KIF15: variants seen among roughly 807,000 people sequenced by gnomAD.
KIF15 encodes kinesin family member 15, also known as kinesin-like protein KIF15.
In KIF15, 140 loss-of-function variants were observed where a neutral mutation model predicts 190.6. The observed-to-expected ratio is 0.73, with a 90% CI of 0.64 to 0.84. The LOEUF (loss-of-function observed/expected upper bound fraction) is 0.84. KIF15 is among the 40% of genes least tolerant of loss of function. The pLI, the probability that KIF15 is intolerant of heterozygous loss-of-function variation, is 0.00. For synonymous variants in KIF15, 528 were observed against 551.3 expected (o/e 0.96, Z 0.59); for missense variants, 1,372 against 1,584.4 (o/e 0.87, Z 2.28).
At position 44,821,479 on chromosome 3, in the gene KIF15, C is replaced by G. The variant is rs76489727; in HGVS notation, c.2550-4560C>G. On this transcript the variant is annotated intron_variant, in intron 20 of 34. Coordinates refer to ENST00000326047, the MANE Select transcript of KIF15 (RefSeq NM_020242.3). ...GCCGGGTAGAGGCACTCCTCACATC[C>G]CAGACGGGGCGGCGGGGCAGAGGCG... 5.3e-5 allele frequency among the ~76,000 whole-genome samples: 8 copies of G among 151,440 alleles called. No individual in the cohort carries two copies. In the East Asian group the frequency reaches 1.2e-3, roughly 22 times the overall value.
Position 44,805,856 on chromosome 3 carries a change from T to C in KIF15, c.1841T>C (p.Leu614Pro). 6.2e-7 allele frequency: 1 copy of C among 1,613,184 alleles called. No individual in the cohort carries two copies. The highest frequency in any genetic ancestry group is 8.5e-7 in the Non-Finnish European group (1 of 1,179,750). The change falls in exon 16 of 35, where the codon CTA becomes CCA. Residue 614 changes from leucine (L) to proline (P), a missense_variant. Leu to Pro is a moderately conservative substitution (Grantham distance 98). Coordinates refer to ENST00000326047, the MANE Select transcript of KIF15 (RefSeq NM_020242.3). ...EFKELTRKRQ[L>P]ELESELQSLQ... ...ACAATATCTATTAGGAAAAGGCAGC[T>C]AGAATTGGAATCAGAGCTTCAGTCT...
intron 20 of KIF15, among the ~76,000 whole-genome samples, chr3:44,823,985 C>T (rs531845400): frequency 9.8e-5 from 15 of 152,318 alleles, no homozygotes; most frequent in African/African-American, 3.6e-4. Context: ...AGGCGACGCC[C>T]ACCCTGCTTC....
At chr3:44,786,191 G>A (rs1413951979) in intron 6 of KIF15, among the ~76,000 whole-genome samples, 1 of 152,108 alleles carries the variant, frequency 6.6e-6, no homozygotes, top group Non-Finnish European at 1.5e-5. Flanking sequence ...ACTGCAGCCT[G>A]GACAACAGAG....
intron 30 of KIF15, among the ~76,000 whole-genome samples, chr3:44,845,338 G>A (rs1218491945): frequency 3.3e-5 from 5 of 152,150 alleles, no homozygotes; most frequent in Admixed American, 6.5e-5. Context: ...TTTGGAGGCA[G>A]CTGTATTGGT....
At chr3:44,814,136 T>G (rs1054185506) in intron 19 of KIF15, among the ~76,000 whole-genome samples, 2 of 152,244 alleles carry the variant, frequency 1.3e-5, no homozygotes, top group African/African-American at 4.8e-5. Context: ...CTATTTTCTT[T>G]GAACTAAAAA....
intron 1 of KIF15, among the ~76,000 whole-genome samples, chr3:44,765,815 C>G (rs1388557362): frequency 6.6e-6 from 1 of 152,072 alleles, no homozygotes; most frequent in Non-Finnish European, 1.5e-5. Context: ...CCTGAGAGTG[C>G]CCTTAGGTTT....
At chr3:44,787,176 A>T (rs1254585586) in intron 7 of KIF15, among the ~76,000 whole-genome samples, 1 of 152,210 alleles carries the variant, frequency 6.6e-6, no homozygotes, top group Admixed American at 6.5e-5. Context: ...TATCACCAGT[A>T]CTATCCGATT....
intron 1 of KIF15, among the ~76,000 whole-genome samples, chr3:44,770,194 G>A (rs1705582181): frequency 6.6e-6 from 1 of 152,182 alleles, no homozygotes; most frequent in African/African-American, 2.4e-5. Context: ...TCTCTCTCCA[G>A]TCCTCAGTTT....
chr3:44,803,162 T>C (rs934178223), intron 14 of KIF15, among the ~76,000 whole-genome samples, 171 bp downstream of exon 14: 2 of 152,224 alleles, frequency 1.3e-5, no homozygotes, highest in Non-Finnish European at 2.9e-5. Context: ...CTTTTCTTTT[T>C]CTCAAAAATC....
chr3:44,785,646 A>G (rs566522682), intron 6 of KIF15, among the ~76,000 whole-genome samples: 1 of 152,358 alleles, frequency 6.6e-6, no homozygotes, highest in Non-Finnish European at 1.5e-5. Context: ...TTAGACACAC[A>G]AATTGTATGG....
At chr3:44,828,917 A>G (rs1033885874) in intron 24 of KIF15, among the ~76,000 whole-genome samples, 4 of 151,934 alleles carry the variant, frequency 2.6e-5, no homozygotes, top group Non-Finnish European at 5.9e-5. Context: ...CATGCCTGTA[A>G]TCCTAGCTAC....
chr3:44,829,457 A>G (rs948192901), intron 24 of KIF15, among the ~76,000 whole-genome samples: 127 of 136,806 alleles, frequency 9.3e-4, no homozygotes, highest in African/African-American at 2.8e-3. Context: ...ATACGCATAT[A>G]TAATATATAT....
At chr3:44,772,568 T>C (rs906913729) in intron 1 of KIF15, among the ~76,000 whole-genome samples, 1 of 152,242 alleles carries the variant, frequency 6.6e-6, no homozygotes, top group Non-Finnish European at 1.5e-5. Flanking sequence ...ATATCCACTT[T>C]CAATTAAGCT....
rs1707208957 is a variant in KIF15, at chr3:44,800,360, C to G, written c.1145C>G (p.Ala382Gly). 6.2e-7 allele frequency: 1 copy of G among 1,614,142 alleles called. No individual in the cohort carries two copies. The highest frequency in any genetic ancestry group is 8.5e-7 in the Non-Finnish European group (1 of 1,180,006). ...DTQGNVSQLQAEVKRLKEQLA... is the reference protein window; with the variant it reads ...DTQGNVSQLQGEVKRLKEQLA... ...CAAGGAAATGTGAGCCAGCTCCAAG[C>G]TGAAGTGAAGAGGCTCAAAGAACAA... Residue 382 changes from alanine to glycine, a missense_variant, in exon 11 of 35, where the codon GCT (alanine) becomes GGT (glycine). Physicochemically the swap from Ala to Gly is moderately conservative, Grantham distance 60. Coordinates refer to ENST00000326047, the MANE Select transcript of KIF15 (RefSeq NM_020242.3).
intron 8 of KIF15, among the ~76,000 whole-genome samples, chr3:44,795,439 G>T (rs770129815): frequency 1.3e-5 from 2 of 152,136 alleles, no homozygotes; most frequent in African/African-American, 2.4e-5. Context: ...TCAACTCTGC[G>T]AATACTGGGA....
intron 26 of KIF15, among the ~76,000 whole-genome samples, chr3:44,834,506 A>G (rs1698214404): frequency 6.6e-6 from 1 of 152,236 alleles, no homozygotes; most frequent in African/African-American, 2.4e-5. Context: ...TATTGGAACT[A>G]AAAAATTCTA....
intron 8 of KIF15, 39 bp downstream of exon 8, chr3:44,794,465 T>C (rs1303783774): frequency 6.8e-7 from 1 of 1,465,576 alleles, no homozygotes; most frequent in Admixed American, 1.9e-5. Flanking sequence ...GTGTGTGAGT[T>C]CTTACTAGCA....
intron 6 of KIF15, among the ~76,000 whole-genome samples, 170 bp downstream of exon 6, chr3:44,785,112 T>A (rs554025824): frequency 5.3e-5 from 8 of 152,298 alleles, no homozygotes; most frequent in Non-Finnish European, 1.0e-4. Context: ...TATTAAGGAT[T>A]CTGAGTTGTT....
chr3:44,786,476 G>A lies in KIF15; in HGVS notation c.541G>A (p.Ala181Thr), dbSNP rs747987330. ...NEQIYDLLDS[A>T]SAGLYLREHI... ...GCAGATATATGATCTACTGGACTCT[G>A]CATCGGCTGGACTGTACTTAAGGGA... The change falls in exon 7 of 35, where the codon GCA becomes ACA. Residue 181 changes from alanine to threonine, a missense_variant. Physicochemically the swap from Ala to Thr is moderately conservative, Grantham distance 58. Transcript: ENST00000326047. 1.2e-6 allele frequency: 2 copies of A among 1,613,904 alleles called. No individual in the cohort carries two copies. Among genetic ancestry groups the A allele is most frequent in the South Asian group, 1.1e-5 (1 of 91,044 alleles).
Sources: gnomAD v4.1 joint callset for allele counts (sites outside exome capture counted in the v4.1 genomes callset) on GRCh38, gnomAD v4.1.1 for gene constraint, MANE v1.5 for transcripts, NCBI Gene and HGNC (gene_info 2026-07-23, HGNC 2026-07-21) for gene names.